The following PACRG variants were observed in gnomAD, a reference collection of about 807,000 sequenced individuals.
The protein encoded by PACRG is parkin coregulated, also known as parkin coregulated gene protein.
PACRG carries 29 observed loss-of-function variants against 29.7 expected under a neutral mutation model. The observed-to-expected ratio is 0.98, with a 90% CI of 0.73 to 1.33. PACRG has a LOEUF of 1.33. PACRG is among the 40% of genes most tolerant of loss of function. PACRG has a pLI of 0.00. For missense variants in PACRG, 279 were observed against 316.2 expected (o/e 0.88, Z 0.89); for synonymous variants, 116 against 118.7 (o/e 0.98, Z 0.15).
Position 163,166,630 on chromosome 6 carries a change from A to C in PACRG, c.613+77222A>C, listed in dbSNP as rs1285431347. On this transcript the variant is annotated intron_variant, in intron 4 of 4. Transcript: ENST00000366888. ...TTAAATCATATGGAAAAATGTCACA[A>C]AGCAAAATAAAATGTATTTATTTCA... Among the ~76,000 whole-genome samples the C allele has an allele frequency of 3.3e-5, 5 of 152,342 alleles. No individual in the cohort carries two copies. The East Asian group carries it at 9.6e-4, about 29-fold the overall frequency.
intron 2 of PACRG, among the ~76,000 whole-genome samples, chr6:162,910,175 A>G (rs1796212211): frequency 6.6e-6 from 1 of 152,198 alleles, no homozygotes; most frequent in African/African-American, 2.4e-5. Flanking sequence ...TCTGTCATAA[A>G]CATAATTATT....
At chr6:163,052,205 CA>C (rs1431015299) in intron 2 of PACRG, among the ~76,000 whole-genome samples, 3 of 152,182 alleles carry the variant, frequency 2.0e-5, no homozygotes, top group African/African-American at 7.2e-5. Flanking sequence ...ATAGCTGCCT[CA>C]AGGGTTGAGA....
intron 3 of PACRG, among the ~76,000 whole-genome samples, chr6:163,086,948 C>G (rs1813616353): frequency 6.6e-6 from 1 of 152,082 alleles, no homozygotes; most frequent in African/African-American, 2.4e-5. Context: ...GGTATAAAAA[C>G]ACTTCTGAGC....
At chr6:163,222,859 G>A (rs566765665) in intron 4 of PACRG, among the ~76,000 whole-genome samples, 59 of 152,258 alleles carry the variant, frequency 3.9e-4, no homozygotes, top group Admixed American at 7.8e-4. Flanking sequence ...TAAGAGAATT[G>A]ACTACAACAT....
chr6:162,829,211 T>A (rs1044595875), intron 2 of PACRG, among the ~76,000 whole-genome samples: 4 of 152,214 alleles, frequency 2.6e-5, no homozygotes, highest in Non-Finnish European at 4.4e-5. Context: ...GTGTCATATC[T>A]AGATTGTCTT....
At chr6:162,949,668 T>C (rs1799503284) in intron 2 of PACRG, among the ~76,000 whole-genome samples, 1 of 152,202 alleles carries the variant, frequency 6.6e-6, no homozygotes. Context: ...AATGACATTT[T>C]ATTTCCCCAG....
At chr6:163,140,626 T>C (rs1817116234) in intron 4 of PACRG, among the ~76,000 whole-genome samples, 2 of 151,806 alleles carry the variant, frequency 1.3e-5, no homozygotes, top group Non-Finnish European at 1.5e-5. Flanking sequence ...AGTCTGCAAA[T>C]AAAAAATTTC....
chr6:162,998,717 GC>G (rs1769474901), intron 2 of PACRG, among the ~76,000 whole-genome samples: 3 of 152,114 alleles, frequency 2.0e-5, no homozygotes, highest in Non-Finnish European at 4.4e-5. Context: ...CTAGAAGCAT[GC>G]TTAGAAAGAT....
intron 1 of PACRG, among the ~76,000 whole-genome samples, chr6:162,787,580 G>GTATATATA (rs746185048): frequency 1.0e-4 from 7 of 69,164 alleles, no homozygotes; most frequent in African/African-American, 3.0e-4. Flanking sequence ...GTGTGTGTGT[G>GTATATATA]TGTATATATA....
chr6:162,914,288 G>A (rs1226118447), intron 2 of PACRG, among the ~76,000 whole-genome samples: 1 of 151,968 alleles, frequency 6.6e-6, no homozygotes, highest in African/African-American at 2.4e-5. Context: ...AGTTGATTCA[G>A]TATCATTTGT....
At chr6:162,795,884 A>G (rs1453263682) in intron 1 of PACRG, among the ~76,000 whole-genome samples, 1 of 152,112 alleles carries the variant, frequency 6.6e-6, no homozygotes, top group Non-Finnish European at 1.5e-5. Context: ...CTAATTGATC[A>G]GCACTTTTGT....
At chr6:163,300,568 T>G (rs1368794103) in intron 4 of PACRG, among the ~76,000 whole-genome samples, 1 of 152,198 alleles carries the variant, frequency 6.6e-6, no homozygotes, top group Admixed American at 6.5e-5. Flanking sequence ...TGTCTCCTCG[T>G]GGCCAGCAAC....
chr6:163,018,268 A>G (rs1806288441), intron 2 of PACRG, among the ~76,000 whole-genome samples: 1 of 152,148 alleles, frequency 6.6e-6, no homozygotes, highest in Admixed American at 6.5e-5. Flanking sequence ...CCAAAGCATT[A>G]TAGCCATACT....
intron 2 of PACRG, among the ~76,000 whole-genome samples, chr6:162,881,869 A>ATGGGGGTGG: frequency 8.1e-6 from 1 of 123,954 alleles, no homozygotes; most frequent in African/African-American, 3.1e-5. Flanking sequence ...ACCAGAGACC[A>ATGGGGGTGG]GGGGGCGCTC....
At chr6:162,823,713 C>G (rs1375325803) in intron 2 of PACRG, among the ~76,000 whole-genome samples, 2 of 152,040 alleles carry the variant, frequency 1.3e-5, no homozygotes, top group African/African-American at 2.4e-5. Flanking sequence ...TGGGATTTCA[C>G]CGTGTTAGCC....
At chr6:163,262,278 T>A (rs574781247) in intron 4 of PACRG, among the ~76,000 whole-genome samples, 1 of 152,340 alleles carries the variant, frequency 6.6e-6, no homozygotes, top group Non-Finnish European at 1.5e-5. Context: ...GAATATTATT[T>A]ATGTTCTAAA....
At chr6:162,847,446 A>G (rs995252729) in intron 2 of PACRG, among the ~76,000 whole-genome samples, 2 of 151,458 alleles carry the variant, frequency 1.3e-5, no homozygotes, top group South Asian at 2.1e-4. Context: ...TTATGTTACT[A>G]TAGTTTGTAA....
chr6:162,885,085 AC>A (rs1794217903), intron 2 of PACRG, among the ~76,000 whole-genome samples: 1 of 152,050 alleles, frequency 6.6e-6, no homozygotes, highest in African/African-American at 2.4e-5. Context: ...TCGTCATAAT[AC>A]CATAATTTTC....
chr6:162,794,025 A>G (rs929664675), intron 1 of PACRG, among the ~76,000 whole-genome samples: 2 of 152,208 alleles, frequency 1.3e-5, no homozygotes, highest in African/African-American at 4.8e-5. Flanking sequence ...GCATTTTTAT[A>G]TATGCAGCTT....
Sources: allele counts gnomAD v4.1 joint callset (sites outside exome capture counted in the v4.1 genomes callset), GRCh38; gene constraint gnomAD v4.1.1; transcripts MANE v1.5; gene names NCBI Gene and HGNC (gene_info 2026-07-23, HGNC 2026-07-21).